TMBIM1: variants seen among roughly 807,000 people sequenced by gnomAD.
The protein encoded by TMBIM1 is protein lifeguard 3.
A neutral mutation model predicts 45.1 loss-of-function variants in TMBIM1; 34 were observed. The observed-to-expected ratio is 0.75, with a 90% confidence interval of 0.57 to 1.00. The LOEUF (loss-of-function observed/expected upper bound fraction) is 1.00. TMBIM1 is among the 50% of genes least tolerant of loss of function. The pLI is 0.00. For synonymous variants in TMBIM1, 157 were observed against 153.5 expected, an observed-to-expected ratio of 1.02 and a Z score of -0.17; for missense variants, 374 against 402.4, an observed-to-expected ratio of 0.93 and a Z score of 0.60.
intron 9 of TMBIM1, 96 bp from the exon 10 acceptor site, chr2:218,277,195 G>C (rs904293735): frequency 3.1e-4 from 379 of 1,220,062 alleles, no homozygotes; most frequent in Non-Finnish European, 6.4e-5. Flanking sequence ...TGCCTCCTAG[G>C]GGGTATGGGA....
chr2:218,275,451 C>T lies in TMBIM1; in HGVS notation c.*24G>A, dbSNP rs376693165. ...TAGCTTGGAAGGGAGAGCCCAGGAT[C>T]GGGTGAAAATGGGGGCTTGCTCCTT... On this transcript the variant is annotated 3_prime_UTR_variant, in exon 12 of 12. Coordinates refer to ENST00000258412, the MANE Select transcript of TMBIM1 (RefSeq NM_022152.6). The T allele has an allele frequency of 6.6e-5, 106 of 1,604,454 alleles. No individual in the cohort carries two copies. The highest frequency in any genetic ancestry group is 1.7e-4 in the Middle Eastern group (1 of 6,006).
intron 11 of TMBIM1, 134 bp from the exon 12 acceptor site, chr2:218,275,755 T>C: frequency 8.9e-7 from 1 of 1,125,194 alleles, no homozygotes; most frequent in South Asian, 1.6e-5. Flanking sequence ...GCATAACATA[T>C]GGGCTCTATA....
chr2:218,278,938 C>T (rs1691558573), intron 5 of TMBIM1, 100 bp downstream of exon 5: 1 of 1,449,380 alleles, frequency 6.9e-7, no homozygotes, highest in African/African-American at 1.4e-5. Context: ...GGGGCCCTCT[C>T]AAAAAGCATT....
rs573946886 is a variant in TMBIM1, at chr2:218,291,648, G to T, written c.-41+818C>A. 9.9e-5 allele frequency among the ~76,000 whole-genome samples: 15 copies of T among 152,252 alleles called. 1 individual carries two copies. The highest frequency in any genetic ancestry group is 1.9e-4 in the Non-Finnish European group (13 of 68,024). On this transcript the variant is annotated intron_variant, in intron 1 of 11. Transcript: ENST00000258412. ...CAAGAATTGGTGCCGACCCCACAAGGCCAGGGCCTGGCCTCCCAGCAGCCT... is the reference window on the plus strand; with the variant it reads ...CAAGAATTGGTGCCGACCCCACAAGTCCAGGGCCTGGCCTCCCAGCAGCCT...
intron 2 of TMBIM1, 106 bp from the exon 3 acceptor site, chr2:218,280,232 C>T: frequency 2.4e-6 from 2 of 834,782 alleles, no homozygotes; most frequent in Non-Finnish European, 4.0e-6. Context: ...AGCCAAAAGA[C>T]AAGTGTTATA....
intron 11 of TMBIM1, 81 bp from the exon 12 acceptor site, chr2:218,275,702 G>C: frequency 2.0e-6 from 3 of 1,526,396 alleles, no homozygotes; most frequent in Non-Finnish European, 2.7e-6. Context: ...TTTGTCTTGG[G>C]GGCCTATGCG....
chr2:218,279,223 C>T, intron 4 of TMBIM1, 66 bp downstream of exon 4: 1 of 1,560,212 alleles, frequency 6.4e-7, no homozygotes, highest in South Asian at 1.2e-5. Flanking sequence ...CCGCCACCCA[C>T]ACCCCCAGCA....
At chr2:218,280,224 C>A in intron 2 of TMBIM1, 98 bp from the exon 3 acceptor site, 2 of 885,518 alleles carry the variant, frequency 2.3e-6, no homozygotes, top group Non-Finnish European at 1.9e-6. Flanking sequence ...GGATCTCCAG[C>A]CAAAAGACAA....
intron 3 of TMBIM1, 146 bp downstream of exon 3, chr2:218,279,880 C>A: frequency 1.5e-6 from 1 of 669,252 alleles, no homozygotes; most frequent in South Asian, 1.7e-5. Context: ...GCCAGGTGCC[C>A]CTCTGAGAAG....
intron 6 of TMBIM1, 176 bp downstream of exon 6, chr2:218,278,339 C>T (rs768077097): frequency 1.8e-4 from 120 of 673,664 alleles, no homozygotes; most frequent in Non-Finnish European, 2.7e-4. Context: ...CTAGTTAGCT[C>T]CTAAACACAC....
chr2:218,289,878 A>C (rs961953850), intron 1 of TMBIM1: 2 of 152,236 alleles, frequency 1.3e-5, no homozygotes, highest in Non-Finnish European at 2.9e-5. Flanking sequence ...CCCTACGGCC[A>C]GCTCTTCCTG....
intron 6 of TMBIM1, 53 bp from the exon 7 acceptor site, chr2:218,278,027 G>C (rs1691424200): frequency 1.2e-6 from 2 of 1,603,250 alleles, no homozygotes; most frequent in South Asian, 2.2e-5. Flanking sequence ...TCAGGCGTCA[G>C]AGGCTCCTAC....
At chr2:218,276,640 G>GA (rs1334831935) in intron 10 of TMBIM1, among the ~76,000 whole-genome samples, 1 of 129,544 alleles carries the variant, frequency 7.7e-6, no homozygotes, top group East Asian at 2.4e-4. Context: ...TGGATCCAGA[G>GA]ACCCCCGCAA....
intron 11 of TMBIM1, 134 bp downstream of exon 11, chr2:218,275,892 T>C: frequency 9.0e-7 from 1 of 1,111,742 alleles, no homozygotes; most frequent in Non-Finnish European, 1.3e-6. Flanking sequence ...ATGGAATCTC[T>C]GGACAGTAGT....
In TMBIM1 at chr2:218,279,344, TG is replaced by T. The variant is rs1242379092; in HGVS notation, c.312del (p.Ile105SerfsTer26). 6.3e-7 allele frequency: 1 copy of T among 1,582,788 alleles called. No individual in the cohort carries two copies. Among genetic ancestry groups the T allele is most frequent in the Admixed American group, 1.8e-5 (1 of 54,742 alleles). Reference protein sequence around the residue: ...VRHTFIRKVYSIISVQLLITV... With the variant: ...VRHTFIRKVYXIISVQLLITV... ...GTGATGAGCAGCTGCACGGAGATGA[TG>T]GAGTAAACCTGGACACAGACGGCCG... On this transcript the variant is annotated frameshift_variant, in exon 4 of 12. Coordinates refer to ENST00000258412, the MANE Select transcript of TMBIM1 (RefSeq NM_022152.6). LOFTEE classifies it high-confidence loss of function.
intron 2 of TMBIM1, chr2:218,280,665 C>G (rs539091418): frequency 1.3e-5 from 2 of 156,386 alleles, no homozygotes; most frequent in Admixed American, 1.3e-4. Context: ...GCTGACACCC[C>G]TCTGGGGTTC....
At chr2:218,280,767 C>G (rs911128073) in intron 2 of TMBIM1, 6 of 152,130 alleles carry the variant, frequency 3.9e-5, no homozygotes, top group Non-Finnish European at 8.8e-5. Context: ...CTTGAGCCAC[C>G]CAGGAAGACT....
intron 11 of TMBIM1, 69 bp from the exon 12 acceptor site, chr2:218,275,690 G>A (rs1183525243): frequency 3.2e-6 from 5 of 1,558,672 alleles, no homozygotes; most frequent in Non-Finnish European, 4.3e-6. Flanking sequence ...TTGGTCAGCA[G>A]ATTTGTCTTG....
intron 2 of TMBIM1, among the ~76,000 whole-genome samples, chr2:218,281,208 A>G (rs1270894446): frequency 4.4e-5 from 6 of 135,366 alleles, no homozygotes; most frequent in Admixed American, 8.3e-5. Flanking sequence ...ATCCTGGCTC[A>G]CTGCAACCTC....
Sources: allele counts gnomAD v4.1 joint callset (sites outside exome capture counted in the v4.1 genomes callset), GRCh38; gene constraint gnomAD v4.1.1; transcripts MANE v1.5; gene names NCBI Gene and HGNC (gene_info 2026-07-23, HGNC 2026-07-21).